The following MBNL1 variants were observed in gnomAD, a reference collection of about 807,000 sequenced individuals.
MBNL1 encodes the protein muscleblind like splicing regulator 1.
MBNL1 carries 8 observed loss-of-function variants against 42.2 expected under a neutral mutation model. The ratio of observed to expected loss-of-function variants is 0.19; its 90% CI spans 0.11 to 0.34. The LOEUF (loss-of-function observed/expected upper bound fraction) is 0.34, where lower values mean the gene tolerates loss of function less well. Ranked by LOEUF, MBNL1 falls within the 10% of genes least tolerant of loss-of-function variation. The pLI, the probability that MBNL1 is intolerant of heterozygous loss-of-function variation, is 1.00. For synonymous variants in MBNL1, 169 were observed against 173.9 expected, an observed-to-expected ratio of 0.97 and a Z score of 0.22; for missense variants, 309 against 495.3, an observed-to-expected ratio of 0.62 and a Z score of 3.57.
chr3:152,266,755 T>G (rs1383530564), upstream of MBNL1: 1 of 152,218 alleles, frequency 6.6e-6, no homozygotes, highest in Non-Finnish European at 1.5e-5. Flanking sequence ...AAGCCAGGGA[T>G]TTGAGAGTCT....
At chr3:152,298,807 T>C (rs1044387246) in intron 1 of MBNL1, among the ~76,000 whole-genome samples, 2 of 152,162 alleles carry the variant, frequency 1.3e-5, no homozygotes, top group South Asian at 4.1e-4. Flanking sequence ...TTTATTCACG[T>C]GTCAGGACAG....
chr3:152,416,412 T>C (rs2098703161), intron 3 of MBNL1, among the ~76,000 whole-genome samples: 1 of 152,218 alleles, frequency 6.6e-6, no homozygotes, highest in Non-Finnish European at 1.5e-5. Flanking sequence ...TGTATTAGGA[T>C]AGCATGAAGA....
intron 1 of MBNL1, among the ~76,000 whole-genome samples, chr3:152,285,293 C>T (rs985353571): frequency 1.3e-5 from 2 of 152,164 alleles, no homozygotes; most frequent in Non-Finnish European, 2.9e-5. Context: ...TATTAAATTG[C>T]TAGCATGTAT....
At chr3:152,372,565 G>A (rs951534166) in intron 2 of MBNL1, among the ~76,000 whole-genome samples, 2 of 152,164 alleles carry the variant, frequency 1.3e-5, no homozygotes, top group African/African-American at 2.4e-5. Context: ...CTCTCCTGCA[G>A]GCCTGCTGGA....
At chr3:152,317,900 T>G (rs1056593272) in intron 2 of MBNL1, among the ~76,000 whole-genome samples, 10 of 152,230 alleles carry the variant, frequency 6.6e-5, no homozygotes, top group African/African-American at 2.4e-4. Flanking sequence ...GTATACAGAT[T>G]TTCATGTACA....
At chr3:152,381,942 T>C (rs1183766828) in intron 2 of MBNL1, among the ~76,000 whole-genome samples, 1 of 152,126 alleles carries the variant, frequency 6.6e-6, no homozygotes, top group Non-Finnish European at 1.5e-5. Context: ...CATATTAACC[T>C]GCTTCAGTGC....
intron 2 of MBNL1, among the ~76,000 whole-genome samples, chr3:152,307,051 G>C (rs945864595): frequency 6.6e-6 from 1 of 152,178 alleles, no homozygotes; most frequent in Non-Finnish European, 1.5e-5. Context: ...GTGCAGTGGT[G>C]TGATCTCGGC....
At chr3:152,360,075 T>C (rs776806475) in intron 2 of MBNL1, among the ~76,000 whole-genome samples, 8 of 152,212 alleles carry the variant, frequency 5.3e-5, no homozygotes, top group Non-Finnish European at 1.2e-4. Flanking sequence ...CCACATACCT[T>C]GGCCAGGTCT....
chr3:152,289,280 GT>G (rs886349103), intron 1 of MBNL1, among the ~76,000 whole-genome samples: 2 of 151,978 alleles, frequency 1.3e-5, no homozygotes, highest in Non-Finnish European at 2.9e-5. Context: ...ATATATAATT[GT>G]TAAAAAGTAA....
rs1419763397 is a variant in MBNL1, at chr3:152,464,152, A to AT, written c.*1790dup. The AT allele has an allele frequency of 6.6e-6, 1 of 152,304 alleles. No individual in the cohort carries two copies. Among genetic ancestry groups the AT allele is most frequent in the African/African-American group, 2.4e-5 (1 of 41,398 alleles). 9.4% of individuals were successfully genotyped at this position (152,304 alleles called of 1,614,324 possible). A position where few individuals can be genotyped will look rare whatever the true frequency, so the allele number is the denominator to read the frequency against. On this transcript the variant is annotated 3_prime_UTR_variant, in exon 10 of 10. Coordinates refer to ENST00000324210, the MANE Select transcript of MBNL1 (RefSeq NM_021038.5). ...GTTTTTCATTTCCTACATTTATTAG[A>AT]TTTTCATTTTCTATTAACAATTGAA... is the stretch of plus-strand genomic sequence containing the variant.
At chr3:152,459,120 C>T (rs1341915815) in intron 8 of MBNL1, 151 bp from the exon 9 acceptor site, 2 of 434,642 alleles carry the variant, frequency 4.6e-6, no homozygotes, top group Non-Finnish European at 8.4e-6. Flanking sequence ...TTTAAGTTTA[C>T]ATTAACTTAC....
chr3:152,266,957 A>G (rs2037341890), upstream of MBNL1: 1 of 152,112 alleles, frequency 6.6e-6, no homozygotes, highest in Non-Finnish European at 1.5e-5. Context: ...TTTGGCAGTA[A>G]AGTTGAGACT....
At chr3:152,377,016 T>C (rs2096937102) in intron 2 of MBNL1, among the ~76,000 whole-genome samples, 1 of 152,154 alleles carries the variant, frequency 6.6e-6, no homozygotes, top group Non-Finnish European at 1.5e-5. Context: ...GTGATTTACA[T>C]GCGAACTTGT....
intron 2 of MBNL1, among the ~76,000 whole-genome samples, chr3:152,255,343 ATTAAT>A (rs1450754224): frequency 2.0e-5 from 3 of 152,142 alleles, no homozygotes; most frequent in Non-Finnish European, 4.4e-5. Context: ...CTAATATTAC[ATTAAT>A]TTAATATTGA....
chr3:152,418,153 T>C (rs375340593), intron 3 of MBNL1, among the ~76,000 whole-genome samples: 4 of 152,190 alleles, frequency 2.6e-5, no homozygotes, highest in African/African-American at 9.7e-5. Flanking sequence ...GCACTTTTTG[T>C]ATATTAAATC....
At chr3:152,280,520 G>T (rs1307014331) in intron 1 of MBNL1, among the ~76,000 whole-genome samples, 2 of 152,096 alleles carry the variant, frequency 1.3e-5, no homozygotes, top group Non-Finnish European at 2.9e-5. Flanking sequence ...AGAAAGGTGG[G>T]CACATACGGT....
At chr3:152,325,148 G>A (rs1218313765) in intron 2 of MBNL1, among the ~76,000 whole-genome samples, 6 of 135,566 alleles carry the variant, frequency 4.4e-5, no homozygotes, top group Non-Finnish European at 9.1e-5. Flanking sequence ...TTCTGCCTGG[G>A]ACTCTTTTTT....
At chr3:152,459,638 G>C (rs1285942592) in intron 9 of MBNL1, among the ~76,000 whole-genome samples, 1 of 99,464 alleles carries the variant, frequency 1.0e-5, no homozygotes, top group Non-Finnish European at 2.2e-5. Flanking sequence ...TAGATCAAGG[G>C]TTGGCAAACT....
intron 3 of MBNL1, among the ~76,000 whole-genome samples, chr3:152,429,106 GAAA>G (rs2098973517): frequency 6.9e-6 from 1 of 144,982 alleles, no homozygotes; most frequent in Non-Finnish European, 1.5e-5. Flanking sequence ...CAAAAGAAAA[GAAA>G]ATTACCAAGG....
Sources: gnomAD v4.1 joint callset for allele counts (sites outside exome capture counted in the v4.1 genomes callset) on GRCh38, gnomAD v4.1.1 for gene constraint, MANE v1.5 for transcripts, NCBI Gene and HGNC (gene_info 2026-07-23, HGNC 2026-07-21) for gene names.